The following WWOX variants were observed in gnomAD, a reference collection of about 807,000 sequenced individuals.
The protein encoded by WWOX is WW domain containing oxidoreductase, also known as WW domain-containing oxidoreductase.
WWOX carries 69 observed loss-of-function variants against 46.2 expected under a neutral mutation model. The ratio of observed to expected loss-of-function variants is 1.49; its 90% CI spans 1.23 to 1.82. The LOEUF is 1.82. Among genes scored for constraint, WWOX ranks in the 40% most tolerant of loss-of-function variants. The pLI, the probability that WWOX is intolerant of heterozygous loss-of-function variation, is 0.00. For synonymous variants in WWOX, 359 were observed against 202.6 expected (o/e 1.77, Z -6.56); for missense variants, 919 against 542.6 (o/e 1.69, Z -6.89).
At chr16:78,689,700 C>G (rs558325781) in intron 8 of WWOX, among the ~76,000 whole-genome samples, 1 of 152,316 alleles carries the variant, frequency 6.6e-6, no homozygotes, top group East Asian at 1.9e-4. Context: ...TCCCCTGCTA[C>G]TCTGTTCCTT....
intron 5 of WWOX, among the ~76,000 whole-genome samples, chr16:78,370,494 TG>T (rs1386608507): frequency 4.2e-4 from 8 of 19,014 alleles, no homozygotes; most frequent in African/African-American, 3.0e-3. Context: ...GTATCTACGA[TG>T]TTTTTTTTTT....
chr16:78,221,289 T>A (rs1286858192), intron 5 of WWOX, among the ~76,000 whole-genome samples: 1 of 152,196 alleles, frequency 6.6e-6, no homozygotes, highest in Admixed American at 6.5e-5. Flanking sequence ...AAACTGTTCG[T>A]TGTATGGAGT....
intron 8 of WWOX, chr16:78,552,017 G>C (rs1234622464): frequency 6.6e-6 from 1 of 152,236 alleles, no homozygotes; most frequent in Non-Finnish European, 1.5e-5. Flanking sequence ...TGGGGGGTGG[G>C]GGGCACCCAT....
At chr16:78,443,159 G>T (rs1282153667) in intron 8 of WWOX, among the ~76,000 whole-genome samples, 2 of 136,440 alleles carry the variant, frequency 1.5e-5, no homozygotes, top group Non-Finnish European at 3.1e-5. Context: ...AAAAAAAAAG[G>T]CTGTGTGTGG....
intron 5 of WWOX, among the ~76,000 whole-genome samples, chr16:78,171,401 A>G (rs1292798192): frequency 6.6e-6 from 1 of 152,156 alleles, no homozygotes; most frequent in African/African-American, 2.4e-5. Flanking sequence ...CTCCTTTGAC[A>G]CTAAAAGCTT....
chr16:78,490,398 C>G (rs2084751011), intron 8 of WWOX, among the ~76,000 whole-genome samples: 1 of 152,162 alleles, frequency 6.6e-6, no homozygotes, highest in African/African-American at 2.4e-5. Context: ...ATGCAGTTAC[C>G]TTTGTCTTCA....
intron 8 of WWOX, among the ~76,000 whole-genome samples, chr16:78,648,197 C>G (rs2046887098): frequency 6.6e-6 from 1 of 152,124 alleles, no homozygotes; most frequent in Non-Finnish European, 1.5e-5. Flanking sequence ...TTTAGGACGT[C>G]AAACCACCTT....
At chr16:78,165,819 G>T (rs2034953098) in intron 5 of WWOX, among the ~76,000 whole-genome samples, 1 of 152,164 alleles carries the variant, frequency 6.6e-6, no homozygotes, top group African/African-American at 2.4e-5. Context: ...TTGAAATTCA[G>T]TATATTTGAA....
intron 8 of WWOX, among the ~76,000 whole-genome samples, chr16:79,145,461 C>G (rs1045590353): frequency 4.6e-5 from 7 of 152,242 alleles, no homozygotes; most frequent in African/African-American, 1.4e-4. Context: ...CTCAACCTCC[C>G]AAAGTGTTGA....
At chr16:79,000,271 A>T (rs1025841511) in intron 8 of WWOX, among the ~76,000 whole-genome samples, 1 of 152,146 alleles carries the variant, frequency 6.6e-6, no homozygotes, top group Admixed American at 6.5e-5. Flanking sequence ...TTTAGATCCC[A>T]TCTCTGGTAG....
At chr16:78,884,712 T>C (rs556722130) in intron 8 of WWOX, among the ~76,000 whole-genome samples, 1 of 152,356 alleles carries the variant, frequency 6.6e-6, no homozygotes, top group South Asian at 2.1e-4. Flanking sequence ...ATGTTGCTAA[T>C]GTTCTGTTGC....
intron 6 of WWOX, among the ~76,000 whole-genome samples, chr16:78,414,245 A>C (rs967643177): frequency 4.0e-5 from 6 of 151,894 alleles, no homozygotes; most frequent in Admixed American, 2.6e-4. Context: ...CCCTTTTTCA[A>C]ACTCCGTCTG....
chr16:79,128,554 G>A (rs991054971), intron 8 of WWOX, among the ~76,000 whole-genome samples: 3 of 152,106 alleles, frequency 2.0e-5, no homozygotes, highest in Non-Finnish European at 4.4e-5. Context: ...CTTGGACCCA[G>A]GTTAACTTTA....
At chr16:78,369,987 C>T (rs764803984) in intron 5 of WWOX, among the ~76,000 whole-genome samples, 37 of 151,914 alleles carry the variant, frequency 2.4e-4, no homozygotes, top group Non-Finnish European at 3.7e-4. Flanking sequence ...ACAAAAATAG[C>T]CAGGTGTCCT....
chr16:78,781,886 C>T (rs1408104223), intron 8 of WWOX, among the ~76,000 whole-genome samples: 1 of 152,136 alleles, frequency 6.6e-6, no homozygotes, highest in Non-Finnish European at 1.5e-5. Flanking sequence ...TTATTTGCTC[C>T]ATGCAATGTT....
intron 8 of WWOX, among the ~76,000 whole-genome samples, chr16:78,846,116 G>A (rs191210181): frequency 6.6e-6 from 1 of 152,246 alleles, no homozygotes; most frequent in African/African-American, 2.4e-5. Context: ...CTTGGGAAAG[G>A]TTGGTTGGTT....
intron 5 of WWOX, among the ~76,000 whole-genome samples, chr16:78,366,308 G>A (rs1459129308): frequency 6.6e-6 from 1 of 152,214 alleles, no homozygotes; most frequent in Admixed American, 6.5e-5. Flanking sequence ...ACAAGGCAAA[G>A]TGTTTAGATA....
intron 8 of WWOX, among the ~76,000 whole-genome samples, chr16:79,104,458 A>G (rs935907984): frequency 1.3e-5 from 2 of 152,236 alleles, no homozygotes; most frequent in African/African-American, 4.8e-5. Context: ...TCCGTCTATC[A>G]TATTTGTAAA....
chr16:78,391,462 C>G (rs897945618), intron 6 of WWOX, among the ~76,000 whole-genome samples: 1 of 152,216 alleles, frequency 6.6e-6, no homozygotes, highest in African/African-American at 2.4e-5. Flanking sequence ...ACCCAAATCT[C>G]TCTGAATCCA....
Sources: allele counts gnomAD v4.1 joint callset (sites outside exome capture counted in the v4.1 genomes callset), GRCh38; gene constraint gnomAD v4.1.1; transcripts MANE v1.5; gene names NCBI Gene and HGNC (gene_info 2026-07-23, HGNC 2026-07-21).